Variants in RARB observed in about 807,000 individuals in gnomAD.
RARB encodes the protein HBV-activated protein.
Under a neutral mutation model 51.9 loss-of-function variants are expected in RARB, and 17 were observed. That is an observed-to-expected ratio of 0.33 (90% CI 0.22 to 0.49). The LOEUF is 0.49. RARB is among the 20% of genes least tolerant of loss of function. RARB has a pLI of 0.99. For missense variants in RARB, 369 were observed against 550.8 expected (o/e 0.67, Z 3.30); for synonymous variants, 215 against 195.4 (o/e 1.10, Z -0.84).
intron 2 of RARB, among the ~76,000 whole-genome samples, chr3:25,006,680 C>T (rs1308572909): frequency 3.3e-5 from 5 of 152,092 alleles, no homozygotes; most frequent in East Asian, 1.9e-4. Context: ...CTATTACAAA[C>T]GTTGTTATAA....
intron 2 of RARB, among the ~76,000 whole-genome samples, chr3:25,498,986 G>C (rs1429225152): frequency 2.0e-5 from 3 of 152,202 alleles, no homozygotes. Context: ...TGTAGTTCCA[G>C]TGGCACAAAA....
At chr3:25,041,516 G>C (rs775540148) in intron 2 of RARB, among the ~76,000 whole-genome samples, 1 of 149,648 alleles carries the variant, frequency 6.7e-6, no homozygotes, top group Non-Finnish European at 1.5e-5. Flanking sequence ...AGGGAACATA[G>C]TTGAGAGGGA....
At chr3:25,483,527 C>CTTT (rs199602182) in intron 2 of RARB, among the ~76,000 whole-genome samples, 28 of 113,650 alleles carry the variant, frequency 2.5e-4, no homozygotes, top group Non-Finnish European at 4.2e-4. Context: ...CATATTTCTT[C>CTTT]TTTTTTTTTT....
intron 1 of RARB, among the ~76,000 whole-genome samples, chr3:24,831,226 TA>T (rs1702277371): frequency 6.6e-6 from 1 of 152,136 alleles, no homozygotes. Flanking sequence ...GGCTATAAAA[TA>T]GCCAGACAAA....
intron 3 of RARB, among the ~76,000 whole-genome samples, chr3:25,062,573 T>C (rs1255799182): frequency 2.0e-5 from 3 of 151,972 alleles, no homozygotes; most frequent in African/African-American, 4.8e-5. Flanking sequence ...AATCATGATA[T>C]GTCAATATAA....
chr3:25,519,013 A>T (rs569989216), intron 3 of RARB, among the ~76,000 whole-genome samples: 5 of 152,204 alleles, frequency 3.3e-5, no homozygotes, highest in African/African-American at 1.2e-4. Context: ...TGCTTGTTGA[A>T]CTTCACCTAC....
At chr3:25,300,017 G>T (rs746513310) in intron 5 of RARB, among the ~76,000 whole-genome samples, 2 of 152,038 alleles carry the variant, frequency 1.3e-5, no homozygotes, top group African/African-American at 2.4e-5. Context: ...CATTTGATTC[G>T]ATTTCAACAC....
At chr3:25,230,935 A>G (rs1004776900) in intron 5 of RARB, among the ~76,000 whole-genome samples, 9 of 152,166 alleles carry the variant, frequency 5.9e-5, no homozygotes, top group African/African-American at 1.9e-4. Context: ...TTGGTCTTCT[A>G]TAAGATTCAT....
chr3:25,594,341 G>A (rs1701728780), intron 6 of RARB, among the ~76,000 whole-genome samples, 179 bp from the exon 7 acceptor site: 1 of 152,056 alleles, frequency 6.6e-6, no homozygotes, highest in Non-Finnish European at 1.5e-5. Flanking sequence ...CCAAGGGGGG[G>A]CAGTTTTTTT....
At chr3:25,226,407 A>G (rs771062747) in intron 5 of RARB, among the ~76,000 whole-genome samples, 50 of 152,176 alleles carry the variant, frequency 3.3e-4, no homozygotes, top group Non-Finnish European at 6.6e-4. Context: ...TCTCTCAGGA[A>G]AAAAAGCACT....
intron 4 of RARB, among the ~76,000 whole-genome samples, chr3:25,160,162 A>G (rs559479409): frequency 7.9e-4 from 120 of 152,340 alleles, no homozygotes; most frequent in African/African-American, 2.7e-3. Context: ...AAATAGCTCT[A>G]TCATATATTA....
chr3:24,990,961 A>T (rs181202101), intron 2 of RARB, among the ~76,000 whole-genome samples: 1 of 152,344 alleles, frequency 6.6e-6, no homozygotes, highest in Admixed American at 6.5e-5. Context: ...TAAATATTTC[A>T]TGGCTCTTGT....
chr3:25,496,351 CT>C (rs964942032), intron 2 of RARB, among the ~76,000 whole-genome samples: 2 of 152,194 alleles, frequency 1.3e-5, no homozygotes, highest in African/African-American at 4.8e-5. Flanking sequence ...CTCCATCCAA[CT>C]GTACTGTCTT....
intron 4 of RARB, among the ~76,000 whole-genome samples, chr3:25,168,307 G>A (rs796640606): frequency 9.9e-5 from 15 of 151,920 alleles, no homozygotes; most frequent in East Asian, 5.8e-4. Context: ...TGCAACCTCC[G>A]CCCCCCAGGT....
chr3:25,551,854 A>G (rs913953156), intron 3 of RARB, among the ~76,000 whole-genome samples: 4 of 152,186 alleles, frequency 2.6e-5, no homozygotes, highest in African/African-American at 7.2e-5. Flanking sequence ...CAAGCCTTCA[A>G]TCTGTTTTCC....
At chr3:25,124,855 A>G (rs76988318) in intron 3 of RARB, among the ~76,000 whole-genome samples, 2,910 of 152,244 alleles carry the variant, frequency 0.019, 73 homozygotes, top group African/African-American at 0.057. Context: ...ACCTATTTCT[A>G]TGTTCCTTAT....
chr3:25,042,045 G>T (rs779863282), intron 2 of RARB, among the ~76,000 whole-genome samples: 3 of 152,116 alleles, frequency 2.0e-5, no homozygotes, highest in African/African-American at 7.2e-5. Context: ...GGGAGTGGAA[G>T]GGACTGTGGT....
At chr3:25,590,355 G>A (rs1017157922) in intron 5 of RARB, among the ~76,000 whole-genome samples, 3 of 152,124 alleles carry the variant, frequency 2.0e-5, no homozygotes, top group Admixed American at 6.5e-5. Flanking sequence ...GTTCCTTTCC[G>A]ACAAATCTCT....
chr3:25,202,929 G>C (rs1364342643), intron 5 of RARB, among the ~76,000 whole-genome samples: 7 of 152,182 alleles, frequency 4.6e-5, no homozygotes, highest in Non-Finnish European at 1.0e-4. Flanking sequence ...GGGGTGGAGA[G>C]TTCTGTAGAT....
Sources: allele counts gnomAD v4.1 joint callset (sites outside exome capture counted in the v4.1 genomes callset), GRCh38; gene constraint gnomAD v4.1.1; transcripts MANE v1.5; gene names NCBI Gene and HGNC (gene_info 2026-07-23, HGNC 2026-07-21).